Variants in MUC4 observed in about 807,000 individuals in gnomAD.
MUC4 encodes mucin 4, cell surface associated.
MUC4 carries 202 observed loss-of-function variants against 257.9 expected under a neutral mutation model. The ratio of observed to expected loss-of-function variants is 0.78; its 90% confidence interval spans 0.70 to 0.88. The LOEUF is 0.88. Among genes scored for constraint, MUC4 ranks in the 40% least tolerant of loss-of-function variants. The pLI, the probability that MUC4 is intolerant of heterozygous loss-of-function variation, is 0.00. For synonymous variants in MUC4, 2,351 were observed against 2,757.1 expected, an observed-to-expected ratio of 0.85 and a Z score of 4.62; for missense variants, 5,976 against 6,513.7, an observed-to-expected ratio of 0.92 and a Z score of 2.84.
Position 195,789,335 on chromosome 3 carries a change from C to T in MUC4, c.2245G>A (p.Gly749Arg). 1 of 1,613,916 alleles carries T rather than the reference C, an allele frequency of 6.2e-7. No homozygotes were observed. The change falls in exon 2 of 25, where the codon GGG (glycine) becomes AGG (arginine). Residue 749 changes from glycine to arginine, a missense_variant. This residue lies in a region of MUC4 where 1,583 missense variants were observed against 1,257.4 expected (regional missense o/e 1.26). Transcript: ENST00000463781. Reference protein sequence around the residue: ...TLANSVVSTPGGPEGQWTSAS... With the variant: ...TLANSVVSTPRGPEGQWTSAS... The stretch of plus-strand genomic sequence containing the variant: ...GATGTCCATTGTCCTTCTGGGCCCC[C>T]TGGTGTTGACACTACAGAGTTGGCC...
At chr3:195,767,888 A>AT in intron 7 of MUC4, among the ~76,000 whole-genome samples, 1 of 141,126 alleles carries the variant, frequency 7.1e-6, no homozygotes, top group Admixed American at 6.8e-5. Flanking sequence ...CACCACCATC[A>AT]CCACCACCAT....
In MUC4 at chr3:195,762,726, GC is replaced by G. The variant is rs1244906544; in HGVS notation, c.14344+128del. 1.1e-4 allele frequency: 71 copies of G among 665,852 alleles called. No individual in the cohort carries two copies. In the African/African-American group the frequency reaches 1.6e-3, roughly 15 times the overall value. The allele number at this position is 665,852 out of a possible 1,614,324, so 41.2% of individuals were successfully genotyped here. On this transcript the variant is annotated intron_variant, in intron 13 of 24. Coordinates refer to ENST00000463781, the MANE Select transcript of MUC4 (RefSeq NM_018406.7). ...AGCACTCGGCGCGGCACCGCCACGC[GC>G]CCGGCCCTGCACCACAACGCACCCG...
In MUC4 at chr3:195,778,791, T is replaced by G; in HGVS notation, c.12789A>C (p.Pro4263=). The change falls in exon 2 of 25, where the codon CCA becomes CCC. Residue 4263 remains proline (P), a splice_region_variant and synonymous_variant. Transcript: ENST00000463781. The part of the protein sequence containing the change: ...SSDSPLKMET[P]GMTTPSLKTD... ...AAAGGCGAGGCAGTTGGCAGCTACCTGGTGTTTCCATCTTCAGAGGGGAGT... is the reference window on the plus strand; with the variant it reads ...AAAGGCGAGGCAGTTGGCAGCTACCGGGTGTTTCCATCTTCAGAGGGGAGT... The G allele has an allele frequency of 6.2e-7, 1 of 1,608,592 alleles. No homozygotes were observed. Among genetic ancestry groups the G allele is most frequent in the Non-Finnish European group, 8.5e-7 (1 of 1,177,330 alleles).
At chr3:195,748,559 T>A (rs1236691115) in intron 24 of MUC4, among the ~76,000 whole-genome samples, 2 of 152,238 alleles carry the variant, frequency 1.3e-5, no homozygotes, top group African/African-American at 4.8e-5. Flanking sequence ...TGACACTCCA[T>A]CTCAAAACAT....
Position 195,770,203 on chromosome 3 carries a change from G to A in MUC4, c.13398+13C>T. On this transcript the variant is annotated intron_variant, in intron 6 of 24. Coordinates refer to ENST00000463781, the MANE Select transcript of MUC4 (RefSeq NM_018406.7). ...CCAGATAGCTCCTGGGAGCTGCCCA[G>A]GGGTCTACTCACCCCGAGGGTCCAC... is the stretch of plus-strand genomic sequence containing the variant. 6.3e-7 allele frequency: 1 copy of A among 1,584,958 alleles called. No homozygotes were observed. The highest frequency in any genetic ancestry group is 8.6e-7 in the Non-Finnish European group (1 of 1,167,518).
In MUC4 at chr3:195,779,256, A is replaced by G. The variant is rs1359753636; in HGVS notation, c.12324T>C (p.Gly4108=). ...PLTSLSSVST[G]DTTPLPVTDT... is the part of the protein sequence containing the mutation. ...CGGTGACAGGAAGAGGCGTGGTGTCACCTGTGGATACTGAGGAAAGGCTGG... is the reference window on the plus strand; with the variant it reads ...CGGTGACAGGAAGAGGCGTGGTGTCGCCTGTGGATACTGAGGAAAGGCTGG... Residue 4108 remains glycine (G), a synonymous_variant, in exon 2 of 25, where the codon GGT becomes GGC. Coordinates refer to ENST00000463781, the MANE Select transcript of MUC4 (RefSeq NM_018406.7). The G allele has an allele frequency of 7.3e-7, 1 of 1,367,436 alleles. No homozygotes were observed. The highest frequency in any genetic ancestry group is 2.3e-5 in the Admixed American group (1 of 43,086). The allele number at this position is 1,367,436 out of a possible 1,614,324, so 84.7% of individuals were successfully genotyped here.
At chr3:195,767,891 A>ATCG (rs1177106829) in intron 7 of MUC4, among the ~76,000 whole-genome samples, 5 of 129,330 alleles carry the variant, frequency 3.9e-5, no homozygotes, top group African/African-American at 1.3e-4. Flanking sequence ...CACCATCACC[A>ATCG]CCACCATCAC....
At position 195,770,953 on chromosome 3, in the gene MUC4, CCGG is replaced by C. The variant is rs200817286; in HGVS notation, c.13243-585_13243-583del. 2,479 of 428,460 alleles carry C rather than the reference CCGG, an allele frequency of 5.8e-3. 63 individuals carry two copies. Among genetic ancestry groups the C allele is most frequent in the African/African-American group, 0.052 (2,235 of 43,268 alleles). 26.5% of individuals were successfully genotyped at this position (428,460 alleles called of 1,614,324 possible). On this transcript the variant is annotated intron_variant, in intron 5 of 24. Coordinates refer to ENST00000463781, the MANE Select transcript of MUC4 (RefSeq NM_018406.7). ...CCGTCACCTGTAGGTCTTCTCGTGG[CCGG>C]GTTGGGGTATTCCTGGTCAGTCTCG...
intron 23 of MUC4, among the ~76,000 whole-genome samples, chr3:195,749,608 G>A (rs1715946783): frequency 1.3e-5 from 2 of 152,114 alleles, no homozygotes; most frequent in Admixed American, 1.3e-4. Context: ...CAATGGTAAT[G>A]ATTATTATAA....
At position 195,786,582 on chromosome 3, in the gene MUC4, A is replaced by G. The variant is rs1732092855; in HGVS notation, c.4998T>C (p.Pro1666=). 1 of 1,527,438 alleles carries G rather than the reference A, an allele frequency of 6.5e-7. No individual in the cohort carries two copies. The highest frequency in any genetic ancestry group is 1.2e-5 in the South Asian group (1 of 82,660). The allele number at this position is 1,527,438 out of a possible 1,614,324, so 94.6% of individuals were successfully genotyped here. A position where few individuals can be genotyped will look rare whatever the true frequency, so the allele number is the denominator to read the frequency against. ...SASTGHATPL[P]VTSTSSASTG... is the part of the protein sequence containing the mutation. ...TGGATGCTGAGGAAGTGCTGGTGAC[A>G]GGAAGAGGGGTGGCGTGACCTGTGG... Residue 1666 remains proline, a synonymous_variant, in exon 2 of 25, where the codon CCT becomes CCC. Transcript: ENST00000463781.
At position 195,751,081 on chromosome 3, in the gene MUC4, T is replaced by C; in HGVS notation, c.15679A>G (p.Ile5227Val). 7.5e-7 allele frequency: 1 copy of C among 1,339,366 alleles called. No individual in the cohort carries two copies. Among genetic ancestry groups the C allele is most frequent in the Non-Finnish European group, 9.8e-7 (1 of 1,018,244 alleles). The allele number at this position is 1,339,366 out of a possible 1,614,324, so 83.0% of individuals were successfully genotyped here. The change falls in exon 23 of 25, where the codon ATC becomes GTC. Residue 5227 changes from isoleucine to valine, a missense_variant. Transcript: ENST00000463781. ...TCCGAGATGACCATCCAGTGTTGGA[T>C]GGGGCTTCCCGAGGCCGGTGCTGCA... ...DSAAPASGSP[I>V]QHWMVISEFQ...
chr3:195,770,139 AAG>A, intron 6 of MUC4, 75 bp downstream of exon 6: 1 of 1,373,116 alleles, frequency 7.3e-7, no homozygotes, highest in South Asian at 1.6e-5. Context: ...AGGATTTTGG[AAG>A]AGTGGCCCCT....
intron 7 of MUC4, among the ~76,000 whole-genome samples, chr3:195,767,388 TACC>T (rs1292256104): frequency 7.4e-5 from 9 of 121,306 alleles, no homozygotes; most frequent in African/African-American, 1.3e-4. Context: ...TCGCCAGCAC[TACC>T]ACCACCACCA....
Position 195,774,172 on chromosome 3 carries a change from G to A in MUC4, c.13077C>T (p.Tyr4359=), listed in dbSNP as rs781585715. ...TGCGCGGGCCGCAGCCCGGACTCAC[G>A]TAGAGGGAATCACGGAGAGAGGAGC... ...PLGSSLRDSL[Y]FTDNGQIIFP... Residue 4359 remains tyrosine, a splice_region_variant and synonymous_variant, in exon 4 of 25, where the codon TAC becomes TAT. Coordinates refer to ENST00000463781, the MANE Select transcript of MUC4 (RefSeq NM_018406.7). 14 of 1,607,104 alleles carry A rather than the reference G, an allele frequency of 8.7e-6. No homozygotes were observed. The highest frequency in any genetic ancestry group is 2.3e-5 in the East Asian group (1 of 44,084).
At chr3:195,753,663 G>A (rs1327440647) in intron 19 of MUC4, 1 of 230,830 alleles carries the variant, frequency 4.3e-6, no homozygotes, top group Non-Finnish European at 8.2e-6. Flanking sequence ...TAAAGGCCTC[G>A]CTGTGATCTC....
rs537683663 is a variant in MUC4, at chr3:195,753,045, C to T, written c.15508+6G>A. ...GGGGGTGAGAGGGCGGGGTCTCTGGCGGTACCTAGGTTGACAGTTGGACTG... is the reference window on the plus strand; with the variant it reads ...GGGGGTGAGAGGGCGGGGTCTCTGGTGGTACCTAGGTTGACAGTTGGACTG... On this transcript the variant is annotated splice_donor_region_variant and intron_variant, in intron 20 of 24. Transcript: ENST00000463781. The T allele has an allele frequency of 1.6e-5, 26 of 1,602,998 alleles. No homozygotes were observed. Among genetic ancestry groups the T allele is most frequent in the Admixed American group, 6.7e-5 (4 of 59,318 alleles).
rs1731436162 is a variant in MUC4, at chr3:195,785,757, G to GATGGTGACAGGAAGAGAGGTGGCGTGAC, written c.5822_5823insGTCACGCCACCTCTCTTCCTGTCACCAT (p.Ser1941ArgfsTer98). On this transcript the variant is annotated frameshift_variant, in exon 2 of 25. Coordinates refer to ENST00000463781, the MANE Select transcript of MUC4 (RefSeq NM_018406.7). LOFTEE classifies it high-confidence loss of function. The stretch of plus-strand genomic sequence containing the variant: ...TGTGACCTGAGGATGCTGAGGAAGG[G>GATGGTGACAGGAAGAGAGGTGGCGTGAC]CTAGTGACAGGAAGAGGCGTGGTGT... 6.7e-7 allele frequency: 1 copy of GATGGTGACAGGAAGAGAGGTGGCGTGAC among 1,485,758 alleles called. No homozygotes were observed. The highest frequency in any genetic ancestry group is 9.1e-7 in the Non-Finnish European group (1 of 1,104,528). 92.0% of individuals were successfully genotyped at this position (1,485,758 alleles called of 1,614,324 possible).
Position 195,788,288 on chromosome 3 carries a change from A to T in MUC4, c.3292T>A (p.Ser1098Thr), listed in dbSNP as rs763031061. 1 of 1,546,878 alleles carries T rather than the reference A, an allele frequency of 6.5e-7. No homozygotes were observed. Among genetic ancestry groups the T allele is most frequent in the East Asian group, 2.5e-5 (1 of 40,768 alleles). ...PLPVTDTSSA[S>T]TGHATSLPVT... ...GGAAGAGAGGTGGCGTGACCTGTGG[A>T]TGCTGAGGAAGTGTCAGTGACAGGA... Residue 1098 changes from serine (S) to threonine (T), a missense_variant, in exon 2 of 25, where the codon TCC becomes ACC. Transcript: ENST00000463781.
At position 195,754,403 on chromosome 3, in the gene MUC4, A is replaced by G; in HGVS notation, c.15169-31T>C. ...GGAGGGTTGCCGATCACGGGCGGCC[A>G]GGAGACCAAACTGGGAAGGGCTTCT... On this transcript the variant is annotated intron_variant, in intron 18 of 24. Coordinates refer to ENST00000463781, the MANE Select transcript of MUC4 (RefSeq NM_018406.7). 1.9e-6 allele frequency: 3 copies of G among 1,584,142 alleles called. No homozygotes were observed. In the African/African-American group the frequency reaches 4.0e-5, roughly 21 times the overall value.
Sources: gnomAD v4.1 joint callset for allele counts (sites outside exome capture counted in the v4.1 genomes callset) on GRCh38, gnomAD v4.1.1 for gene constraint, gnomAD v4.1.1 regional missense constraint, MANE v1.5 for transcripts, NCBI Gene and HGNC (gene_info 2026-07-23, HGNC 2026-07-21) for gene names.